Variants in PHIP observed in about 807,000 individuals in gnomAD.
The protein encoded by PHIP is PH-interacting protein.
PHIP carries 54 observed loss-of-function variants against 236.8 expected under a neutral mutation model. The ratio of observed to expected loss-of-function variants is 0.23; its 90% CI spans 0.18 to 0.29. The LOEUF (loss-of-function observed/expected upper bound fraction) is 0.29, where lower values mean the gene tolerates loss of function less well. Ranked by LOEUF, PHIP falls within the 10% of genes least tolerant of loss-of-function variation. The probability of loss-of-function intolerance (pLI) is 1.00; values close to 1 mark genes in which losing one functional copy is unlikely to be tolerated. For missense variants in PHIP, 1,370 were observed against 2,190.8 expected, an observed-to-expected ratio of 0.63 and a Z score of 7.48; for synonymous variants, 756 against 718.9, an observed-to-expected ratio of 1.05 and a Z score of -0.83.
At chr6:79,041,274 T>C (rs1772196550) in intron 7 of PHIP, among the ~76,000 whole-genome samples, 1 of 152,098 alleles carries the variant, frequency 6.6e-6, no homozygotes, top group Admixed American at 6.6e-5. Context: ...GAACCCTGGT[T>C]CAAAAAGCTC....
intron 24 of PHIP, among the ~76,000 whole-genome samples, chr6:78,973,015 A>G (rs183633702): frequency 1.5e-3 from 227 of 152,298 alleles, no homozygotes; most frequent in African/African-American, 5.0e-3. Context: ...GAGATTCAGG[A>G]AATACAGAGA....
At position 78,990,871 on chromosome 6, in the gene PHIP, T is replaced by G; in HGVS notation, c.2316A>C (p.Ser772=). ...CATCAAAATAATTAATATGTACCTTTGAGACAGTGGGTATTTTATTCTCTT... is the reference window on the plus strand; with the variant it reads ...CATCAAAATAATTAATATGTACCTTGGAGACAGTGGGTATTTTATTCTCTT... ...VPKENKIPTV[S]KNHAHEHFLD... Residue 772 remains serine, a synonymous_variant, in exon 20 of 40, where the codon TCA becomes TCC. Transcript: ENST00000275034. The G allele has an allele frequency of 5.4e-5, 82 of 1,530,726 alleles. No homozygotes were observed. The highest frequency in any genetic ancestry group is 6.4e-5 in the Non-Finnish European group (71 of 1,107,612). 94.8% of individuals were successfully genotyped at this position (1,530,726 alleles called of 1,614,324 possible).
At chr6:78,944,684 G>C (rs1018422695) in intron 39 of PHIP, among the ~76,000 whole-genome samples, 1 of 152,186 alleles carries the variant, frequency 6.6e-6, no homozygotes, top group Non-Finnish European at 1.5e-5. Flanking sequence ...ATTAAATTTT[G>C]AGAGAGGTTT....
At chr6:79,055,777 A>T (rs1773039701) in intron 6 of PHIP, among the ~76,000 whole-genome samples, 1 of 152,258 alleles carries the variant, frequency 6.6e-6, no homozygotes, top group African/African-American at 2.4e-5. Context: ...AAACACTGAG[A>T]CAAGCTCAAG....
At chr6:78,974,109 T>G (rs1321392122) in intron 24 of PHIP, among the ~76,000 whole-genome samples, 2 of 151,932 alleles carry the variant, frequency 1.3e-5, no homozygotes, top group African/African-American at 2.4e-5. Flanking sequence ...ATTCCAAAAT[T>G]GACCACATAC....
chr6:78,955,644 G>T lies in PHIP; in HGVS notation c.3821C>A (p.Ser1274Ter). 2 of 1,091,648 alleles carry T rather than the reference G, an allele frequency of 1.8e-6. No individual in the cohort carries two copies. The highest frequency in any genetic ancestry group is 2.8e-6 in the Non-Finnish European group (2 of 721,138). The allele number at this position is 1,091,648 out of a possible 1,614,324, so 67.6% of individuals were successfully genotyped here. A position where few individuals can be genotyped will look rare whatever the true frequency, so the allele number is the denominator to read the frequency against. The change falls in exon 33 of 40, where the codon TCA becomes TAA. Residue 1274 changes from serine (S) to a stop codon, truncating the protein, a stop_gained. Transcript: ENST00000275034. LOFTEE classifies it high-confidence loss of function. ...ATCAGACAAAACTTTCTTCTTCATT[G>T]AATTATAAAGTGGAATTATGTTATA... ...TCYNIIPLYN[S>*]MKKKVLSDSE... is the part of the protein sequence containing the mutation.
chr6:78,994,104 G>A lies in PHIP; in HGVS notation c.2202-3119C>T, dbSNP rs139520969. 1.8e-3 allele frequency among the ~76,000 whole-genome samples: 269 copies of A among 152,278 alleles called. 1 individual carries two copies. Among genetic ancestry groups the A allele is most frequent in the Non-Finnish European group, 2.8e-3 (192 of 68,036 alleles). ...AAGTTACTGTAGATGTAATGGAAAC[G>A]GCAAGAGAACTATAATTAGAAGCGG... On this transcript the variant is annotated intron_variant, in intron 19 of 39. Coordinates refer to ENST00000275034, the MANE Select transcript of PHIP (RefSeq NM_017934.7).
chr6:78,957,280 C>T (rs764055091), intron 32 of PHIP: 1 of 151,872 alleles, frequency 6.6e-6, no homozygotes, highest in Non-Finnish European at 1.5e-5. Flanking sequence ...AAAACAGATA[C>T]ACATACACAT....
At chr6:78,985,285 T>TC (rs1768792879) in intron 22 of PHIP, 67 bp downstream of exon 22, 1 of 867,714 alleles carries the variant, frequency 1.2e-6, no homozygotes, top group Non-Finnish European at 1.9e-6. Context: ...GTGTTGCTGG[T>TC]TAAAAAAAAA....
intron 23 of PHIP, among the ~76,000 whole-genome samples, chr6:78,981,100 A>G (rs547356625): frequency 6.6e-6 from 1 of 152,166 alleles, no homozygotes; most frequent in Admixed American, 6.6e-5. Flanking sequence ...GTCACTTATT[A>G]ATTATAACCA....
intron 27 of PHIP, among the ~76,000 whole-genome samples, chr6:78,966,831 T>C (rs1431475712): frequency 6.6e-6 from 1 of 152,244 alleles, no homozygotes. Context: ...TCACAGTACT[T>C]GAGTTTTCTC....
At chr6:79,062,431 A>G (rs1211093881) in intron 4 of PHIP, among the ~76,000 whole-genome samples, 1 of 152,198 alleles carries the variant, frequency 6.6e-6, no homozygotes, top group African/African-American at 2.4e-5. Context: ...AAAATTTAGA[A>G]GTCTAGAATA....
chr6:79,077,217 C>T (rs1488166283), intron 4 of PHIP, among the ~76,000 whole-genome samples: 8 of 152,024 alleles, frequency 5.3e-5, no homozygotes, highest in Non-Finnish European at 1.0e-4. Context: ...ATTTCTAGCA[C>T]ATTAACAAAA....
intron 19 of PHIP, among the ~76,000 whole-genome samples, 157 bp from the exon 20 acceptor site, chr6:78,991,142 G>A (rs1183459150): frequency 1.3e-5 from 2 of 152,076 alleles, no homozygotes; most frequent in African/African-American, 4.8e-5. Flanking sequence ...CATAGGTTGT[G>A]GGCTCAGGAC....
chr6:78,998,698 A>C (rs1182099612), intron 17 of PHIP, among the ~76,000 whole-genome samples: 1 of 152,198 alleles, frequency 6.6e-6, no homozygotes, highest in Non-Finnish European at 1.5e-5. Flanking sequence ...TATAGATGAG[A>C]AAACCAAAAT....
In PHIP at chr6:79,060,536, C is replaced by T. The variant is rs376769294; in HGVS notation, c.381G>A (p.Ala127=). The part of the protein sequence containing the change: ...HVVWKGSALA[A]LHCGRPPESP... ...ACTCAGGTGGTCTTCCACAGTGCAA[C>T]GCAGCCAGAGCAGATCCTTTCCACA... is the stretch of plus-strand genomic sequence containing the variant. The change falls in exon 6 of 40, where the codon GCG becomes GCA. Residue 127 remains alanine, a synonymous_variant. Transcript: ENST00000275034. The T allele has an allele frequency of 1.6e-5, 26 of 1,613,758 alleles. No homozygotes were observed. Among genetic ancestry groups the T allele is most frequent in the African/African-American group, 9.3e-5 (7 of 74,912 alleles).
At position 79,001,790 on chromosome 6, in the gene PHIP, T is replaced by C; in HGVS notation, c.1879+109A>G. On this transcript the variant is annotated intron_variant, in intron 17 of 39. Coordinates refer to ENST00000275034, the MANE Select transcript of PHIP (RefSeq NM_017934.7). ...CCTGTATAAAAGTATAAAACATACT[T>C]TTACTTCTTATCCACTTAACAACTG... 4.4e-6 allele frequency: 3 copies of C among 682,926 alleles called. No individual in the cohort carries two copies. In the Admixed American group the frequency reaches 7.3e-5, roughly 17 times the overall value. 42.3% of individuals were successfully genotyped at this position (682,926 alleles called of 1,614,324 possible).
rs1773197399 is a variant in PHIP at position 78,934,693 on chromosome 6, T to G, written c.*6000A>C. On this transcript the variant is annotated 3_prime_UTR_variant, in exon 40 of 40. Coordinates refer to ENST00000275034, the MANE Select transcript of PHIP (RefSeq NM_017934.7). ...AGTATACAAATGAGATTATCACCAC[T>G]GGCTATTTGAACAGAATTAGACCTC... Among the ~76,000 whole-genome samples, 1 of 152,170 alleles carries G rather than the reference T, an allele frequency of 6.6e-6. No homozygotes were observed. Among genetic ancestry groups the G allele is most frequent in the Non-Finnish European group, 1.5e-5 (1 of 68,020 alleles).
intron 4 of PHIP, among the ~76,000 whole-genome samples, chr6:79,075,669 C>T (rs1166834407): frequency 7.0e-6 from 1 of 143,464 alleles, no homozygotes; most frequent in African/African-American, 2.6e-5. Flanking sequence ...GATATTCCTA[C>T]GAGGATTAGC....
Sources: gnomAD v4.1 joint callset for allele counts (sites outside exome capture counted in the v4.1 genomes callset) on GRCh38, gnomAD v4.1.1 for gene constraint, MANE v1.5 for transcripts, NCBI Gene and HGNC (gene_info 2026-07-23, HGNC 2026-07-21) for gene names.